Variants in ZNFX1 observed in about 807,000 individuals in gnomAD.
ZNFX1 encodes the protein zinc finger NFX1-type containing 1, also known as NFX1-type zinc finger-containing protein 1.
A neutral mutation model predicts 179.8 loss-of-function variants in ZNFX1; 78 were observed. That is an observed-to-expected ratio of 0.43 (90% confidence interval 0.36 to 0.52). The LOEUF (loss-of-function observed/expected upper bound fraction) is 0.52, where lower values mean the gene tolerates loss of function less well. ZNFX1 is among the 20% of genes least tolerant of loss of function. ZNFX1 has a pLI of 0.00. For missense variants in ZNFX1, 1,927 were observed against 2,386.6 expected, an observed-to-expected ratio of 0.81 and a Z score of 4.01; for synonymous variants, 848 against 868.5, an observed-to-expected ratio of 0.98 and a Z score of 0.42.
intron 1 of ZNFX1, among the ~76,000 whole-genome samples, chr20:49,276,532 C>A (rs1481349210): frequency 2.6e-5 from 4 of 152,210 alleles, no homozygotes; most frequent in Non-Finnish European, 4.4e-5. Context: ...TCAGGACCAG[C>A]TAGAAATCTG....
chr20:49,252,322 A>C (rs1163169686), intron 12 of ZNFX1, among the ~76,000 whole-genome samples: 13 of 151,192 alleles, frequency 8.6e-5, no homozygotes, highest in African/African-American at 3.2e-4. Flanking sequence ...TTGCATTTTT[A>C]GTAGAGACAG....
At chr20:49,265,732 G>C (rs960258940) in intron 4 of ZNFX1, among the ~76,000 whole-genome samples, 2 of 152,142 alleles carry the variant, frequency 1.3e-5, no homozygotes, top group Non-Finnish European at 2.9e-5. Flanking sequence ...AATAAAAAAT[G>C]CAAAAGAGAC....
In ZNFX1 at chr20:49,270,315, G is replaced by C. The variant is rs916394404; in HGVS notation, c.1497C>G (p.Pro499=). 1 of 1,614,090 alleles carries C rather than the reference G, an allele frequency of 6.2e-7. No homozygotes were observed. The highest frequency in any genetic ancestry group is 1.3e-5 in the African/African-American group (1 of 75,054). The change falls in exon 3 of 14, where the codon CCC becomes CCG. Residue 499 remains proline (P), a synonymous_variant. Transcript: ENST00000396105. The surrounding 1 kb of genome is among the most constrained non-coding windows in gnomAD (Gnocchi z 4.6). Reference sequence around the variant, plus strand: ...TCTCTACCATGAGGAAAGAGTCAGAGGGCTGGACCTCTGCTAGCAGCTGTT... The same window carrying C: ...TCTCTACCATGAGGAAAGAGTCAGACGGCTGGACCTCTGCTAGCAGCTGTT... ...QSQQLLAEVQ[P]SDSFLMVETT...
At chr20:49,273,971 T>A (rs7273834) in intron 2 of ZNFX1, among the ~76,000 whole-genome samples, 3 of 152,160 alleles carry the variant, frequency 2.0e-5, no homozygotes, top group African/African-American at 7.2e-5. Flanking sequence ...CAAGAGCCCA[T>A]AGTTCTTCCT....
chr20:49,273,219 G>A (rs958137191), intron 2 of ZNFX1, among the ~76,000 whole-genome samples: 1 of 152,004 alleles, frequency 6.6e-6, no homozygotes, highest in South Asian at 2.1e-4. Flanking sequence ...TGCAACCTCC[G>A]CCTCCCGGGT....
chr20:49,271,893 CAT>C (rs1414292334), intron 2 of ZNFX1, 143 bp from the exon 3 acceptor site: 1 of 959,190 alleles, frequency 1.0e-6, no homozygotes, highest in Admixed American at 3.0e-5. Flanking sequence ...TCTACCAAGT[CAT>C]ATGATAAATG....
intron 3 of ZNFX1, among the ~76,000 whole-genome samples, chr20:49,268,528 A>C (rs1981301649): frequency 6.6e-6 from 1 of 152,178 alleles, no homozygotes; most frequent in African/African-American, 2.4e-5. Flanking sequence ...AGTGGTACCT[A>C]ATTAAACTAA....
At chr20:49,259,729 A>G (rs1344004417) in intron 7 of ZNFX1, among the ~76,000 whole-genome samples, 2 of 152,166 alleles carry the variant, frequency 1.3e-5, no homozygotes, top group African/African-American at 4.8e-5. Flanking sequence ...ATGCCCGGCT[A>G]ACTTGCCTTT....
chr20:49,254,791 T>A, intron 9 of ZNFX1, 142 bp from the exon 10 acceptor site: 1 of 883,518 alleles, frequency 1.1e-6, no homozygotes, highest in Non-Finnish European at 1.7e-6. Flanking sequence ...TTCAGGGACC[T>A]AAGAATCCAA....
intron 6 of ZNFX1, among the ~76,000 whole-genome samples, chr20:49,262,126 A>G (rs1981128861): frequency 6.6e-6 from 1 of 151,962 alleles, no homozygotes; most frequent in Admixed American, 6.6e-5. Flanking sequence ...AATTTTAAAA[A>G]TCAAAGGGCT....
In ZNFX1 at chr20:49,270,067, A is replaced by C; in HGVS notation, c.1745T>G (p.Ile582Ser). ...RNVEGLRHPRINVLDPGQWPS... is the reference protein window; with the variant it reads ...RNVEGLRHPRSNVLDPGQWPS... ...CCACTGGCCAGGATCTAAGACATTA[A>C]TTCTGGGATGTCTCAAACCCTCGAC... Residue 582 changes from isoleucine (I) to serine (S), a missense_variant, in exon 3 of 14, where the codon ATT (isoleucine) becomes AGT (serine). Coordinates refer to ENST00000396105, the MANE Select transcript of ZNFX1 (RefSeq NM_021035.3). The surrounding 1 kb of genome is among the most constrained non-coding windows in gnomAD (Gnocchi z 4.6). The C allele has an allele frequency of 6.2e-7, 1 of 1,614,244 alleles. No individual in the cohort carries two copies. Among genetic ancestry groups the C allele is most frequent in the East Asian group, 2.2e-5 (1 of 44,888 alleles).
intron 11 of ZNFX1, among the ~76,000 whole-genome samples, chr20:49,253,438 A>T (rs1006390986): frequency 7.9e-5 from 12 of 152,206 alleles, no homozygotes; most frequent in Non-Finnish European, 1.2e-4. Context: ...GCCATGGTGG[A>T]CTAGGTAAAT....
chr20:49,275,376 C>G (rs892048579), intron 2 of ZNFX1, among the ~76,000 whole-genome samples: 1 of 151,926 alleles, frequency 6.6e-6, no homozygotes, highest in Non-Finnish European at 1.5e-5. Context: ...GTCACCCAGG[C>G]TGGAGTGCAG....
At position 49,248,603 on chromosome 20, in the gene ZNFX1, T is replaced by C. The variant is rs774814747; in HGVS notation, c.4421A>G (p.Lys1474Arg). The change falls in exon 14 of 14, where the codon AAG becomes AGG. Residue 1474 changes from lysine (K) to arginine (R), a missense_variant. By Grantham distance (26) the Lys-to-Arg change is conservative (BLOSUM62 2). Coordinates refer to ENST00000396105, the MANE Select transcript of ZNFX1 (RefSeq NM_021035.3). The surrounding 1 kb of genome is among the most constrained non-coding windows in gnomAD (Gnocchi z 4.6). ...CTCACCAATGCATGGTTCCTGGCAC[T>C]TGTGTGAGCAGATAAGCAGGCGCTT... Reference protein sequence around the residue: ...PCKRLLICSHKCQEPCIGECP... With the variant: ...PCKRLLICSHRCQEPCIGECP... 4 of 1,614,160 alleles carry C rather than the reference T, an allele frequency of 2.5e-6. No homozygotes were observed. Among genetic ancestry groups the C allele is most frequent in the African/African-American group, 1.3e-5 (1 of 75,072 alleles).
chr20:49,258,502 A>G (rs1357580283), intron 7 of ZNFX1, among the ~76,000 whole-genome samples: 1 of 152,178 alleles, frequency 6.6e-6, no homozygotes, highest in Non-Finnish European at 1.5e-5. Context: ...TCATACGAAT[A>G]TATGCCTTTT....
In ZNFX1 at chr20:49,245,937, A is replaced by G. The variant is rs909408536; in HGVS notation, c.*1330T>C. ...TTGTTTTTAATTGGCTTTATAAGCT[A>G]AAGTGCATAGTAAAGACAAAAAAAG... On this transcript the variant is annotated 3_prime_UTR_variant, in exon 14 of 14. Coordinates refer to ENST00000396105, the MANE Select transcript of ZNFX1 (RefSeq NM_021035.3). The G allele has an allele frequency of 2.0e-5, 3 of 152,638 alleles. No homozygotes were observed. The East Asian group carries it at 5.8e-4, about 29-fold the overall frequency. 9.5% of individuals were successfully genotyped at this position (152,638 alleles called of 1,614,324 possible). A position where few individuals can be genotyped will look rare whatever the true frequency, so the allele number is the denominator to read the frequency against.
chr20:49,268,643 G>A (rs1331904201), intron 3 of ZNFX1, among the ~76,000 whole-genome samples: 2 of 151,988 alleles, frequency 1.3e-5, no homozygotes, highest in Non-Finnish European at 2.9e-5. Flanking sequence ...TCTAATATCT[G>A]CAATTAAACA....
At position 49,271,050 on chromosome 20, in the gene ZNFX1, A is replaced by G. The variant is rs777367440; in HGVS notation, c.762T>C (p.Leu254=). 1.5e-5 allele frequency: 25 copies of G among 1,614,014 alleles called. No individual in the cohort carries two copies. Among genetic ancestry groups the G allele is most frequent in the African/African-American group, 1.3e-4 (10 of 74,898 alleles). The change falls in exon 3 of 14, where the codon CTT becomes CTC. Residue 254 remains leucine, a synonymous_variant. Coordinates refer to ENST00000396105, the MANE Select transcript of ZNFX1 (RefSeq NM_021035.3). ...CAGAGCTGGCAGGGAAGACACTTAC[A>G]AGGTCCTGGAGGAGGGAGATGATGT... ...ISNIISLLQD[L]VSVFPASSVQ... is the part of the protein sequence containing the mutation.
At chr20:49,259,984 T>TG (rs1219893975) in intron 7 of ZNFX1, among the ~76,000 whole-genome samples, 15 of 152,268 alleles carry the variant, frequency 9.9e-5, no homozygotes, top group African/African-American at 3.6e-4. Context: ...AACATGGGGT[T>TG]ATATCAAACT....
Sources: gnomAD v4.1 joint callset for allele counts (sites outside exome capture counted in the v4.1 genomes callset) on GRCh38, gnomAD v4.1.1 for gene constraint, Gnocchi (gnomAD v3.1) non-coding constraint, MANE v1.5 for transcripts, NCBI Gene and HGNC (gene_info 2026-07-23, HGNC 2026-07-21) for gene names.